Variants in PRDM6 observed in about 807,000 individuals in gnomAD.
PRDM6 encodes the protein PR/SET domain 6.
In PRDM6, 25 loss-of-function variants were observed where a neutral mutation model predicts 60.8. The ratio of observed to expected loss-of-function variants is 0.41; its 90% confidence interval spans 0.30 to 0.57. PRDM6 has a LOEUF of 0.57. Among genes scored for constraint, PRDM6 ranks in the 20% least tolerant of loss-of-function variants. The pLI, the probability that PRDM6 is intolerant of heterozygous loss-of-function variation, is 0.27. For synonymous variants in PRDM6, 407 were observed against 357.4 expected (o/e 1.14, Z -1.57); for missense variants, 839 against 821.3 (o/e 1.02, Z -0.26).
At chr5:123,171,485 C>G (rs915298478) in intron 6 of PRDM6, among the ~76,000 whole-genome samples, 3 of 152,210 alleles carry the variant, frequency 2.0e-5, no homozygotes, top group African/African-American at 4.8e-5. Flanking sequence ...TTTCAGGGTT[C>G]ACCTCCAGTG....
At position 123,155,986 on chromosome 5, in the gene PRDM6, C is replaced by T; in HGVS notation, c.1003C>T (p.Gln335Ter). ...YIRCARHCGE[Q>*]NLTVVQYRSN... ...CCGATGTGCAAGGCACTGCGGAGAA[C>T]AGAATCTAACAGTAGTTCAGTACAG... The change falls in exon 4 of 8, where the codon CAG (glutamine) becomes TAG (stop). Residue 335 changes from glutamine to a stop codon, truncating the protein, a stop_gained. Transcript: ENST00000407847. LOFTEE classifies it high-confidence loss of function. 1 of 1,551,640 alleles carries T rather than the reference C, an allele frequency of 6.4e-7. No individual in the cohort carries two copies. The highest frequency in any genetic ancestry group is 8.7e-7 in the Non-Finnish European group (1 of 1,146,864).
In PRDM6 at chr5:123,190,912, A is replaced by G. The variant is rs1180941839; in HGVS notation, c.*3711A>G. 1 of 152,200 alleles carries G rather than the reference A, an allele frequency of 6.6e-6. No homozygotes were observed. The highest frequency in any genetic ancestry group is 1.9e-4 in the East Asian group (1 of 5,194). 9.4% of individuals were successfully genotyped at this position (152,200 alleles called of 1,614,324 possible). On this transcript the variant is annotated 3_prime_UTR_variant, in exon 8 of 8. Coordinates refer to ENST00000407847, the MANE Select transcript of PRDM6 (RefSeq NM_001136239.4). ...TTTAGACCATTGTCTCAGTGAAGTT[A>G]AAGATTTTGTTCCAACTGGGAAAAT...
intron 3 of PRDM6, among the ~76,000 whole-genome samples, chr5:123,137,956 T>A (rs1351175121): frequency 1.3e-5 from 2 of 152,020 alleles, no homozygotes; most frequent in Non-Finnish European, 2.9e-5. Flanking sequence ...ATGGTATGGG[T>A]GGTATAAAGA....
chr5:123,153,875 G>A (rs1343259681), intron 3 of PRDM6, among the ~76,000 whole-genome samples: 1 of 152,124 alleles, frequency 6.6e-6, no homozygotes, highest in Non-Finnish European at 1.5e-5. Context: ...CACAAAGGAG[G>A]ATTGTTGTGT....
chr5:123,126,377 T>TTTTAA (rs1379352051), intron 3 of PRDM6, among the ~76,000 whole-genome samples: 2 of 151,728 alleles, frequency 1.3e-5, no homozygotes, highest in African/African-American at 2.4e-5. Flanking sequence ...GTCTGGGCTC[T>TTTTAA]GATGCACCAA....
intron 3 of PRDM6, among the ~76,000 whole-genome samples, chr5:123,139,593 AT>A (rs1765052373): frequency 6.6e-6 from 1 of 152,094 alleles, no homozygotes; most frequent in Admixed American, 6.6e-5. Flanking sequence ...TCTTTAGAGA[AT>A]CATTACTGGT....
At chr5:123,106,856 A>G (rs1013159047) in intron 3 of PRDM6, among the ~76,000 whole-genome samples, 1 of 152,236 alleles carries the variant, frequency 6.6e-6, no homozygotes, top group Non-Finnish European at 1.5e-5. Context: ...TATTGCAATC[A>G]TTTACAAAAT....
intron 6 of PRDM6, among the ~76,000 whole-genome samples, chr5:123,173,115 C>T (rs1765931668): frequency 6.6e-6 from 1 of 150,684 alleles, no homozygotes; most frequent in Admixed American, 6.6e-5. Context: ...GGTGTGAACT[C>T]AGGAGGCAGA....
chr5:123,163,374 C>T (rs1053838275), intron 5 of PRDM6, among the ~76,000 whole-genome samples: 2 of 152,278 alleles, frequency 1.3e-5, no homozygotes, highest in Admixed American at 6.5e-5. Flanking sequence ...CATTTCCTAT[C>T]GAGAGTGTGC....
intron 3 of PRDM6, among the ~76,000 whole-genome samples, chr5:123,136,027 A>T (rs999724138): frequency 1.3e-5 from 2 of 152,210 alleles, no homozygotes; most frequent in Non-Finnish European, 2.9e-5. Context: ...ACGGTCTAAG[A>T]TCTTACGGTA....
chr5:123,091,053 C>A (rs1185665043), intron 2 of PRDM6, among the ~76,000 whole-genome samples: 1 of 152,056 alleles, frequency 6.6e-6, no homozygotes, highest in Non-Finnish European at 1.5e-5. Context: ...GCACGCAGAC[C>A]AGGGCTTGTT....
intron 6 of PRDM6, among the ~76,000 whole-genome samples, chr5:123,176,047 C>T (rs1341367063): frequency 1.3e-5 from 2 of 152,174 alleles, no homozygotes. Context: ...GAGCACCTTT[C>T]TGTTTTTTCA....
intron 3 of PRDM6, among the ~76,000 whole-genome samples, chr5:123,100,591 C>T (rs978019607): frequency 3.3e-5 from 5 of 152,192 alleles, no homozygotes; most frequent in African/African-American, 9.7e-5. Context: ...AATCAGAAAT[C>T]GCAAATTCTG....
intron 3 of PRDM6, among the ~76,000 whole-genome samples, chr5:123,116,314 G>C (rs967027320): frequency 1.3e-5 from 2 of 152,106 alleles, no homozygotes; most frequent in African/African-American, 4.8e-5. Context: ...TTTTCAAATT[G>C]CTTGCATTTA....
intron 3 of PRDM6, 78 bp from the exon 4 acceptor site, chr5:123,155,804 CAT>C (rs1481928358): frequency 6.8e-7 from 1 of 1,481,202 alleles, no homozygotes; most frequent in African/African-American, 1.4e-5. Context: ...GCAGCTGACA[CAT>C]AAAGACACCA....
intron 4 of PRDM6, among the ~76,000 whole-genome samples, chr5:123,157,817 C>T (rs561331101): frequency 6.6e-6 from 1 of 152,324 alleles, no homozygotes; most frequent in East Asian, 1.9e-4. Context: ...GATTGATTGA[C>T]CCTTAGCTGA....
chr5:123,102,728 T>A (rs162951), intron 3 of PRDM6, among the ~76,000 whole-genome samples: 17,981 of 152,138 alleles, frequency 0.12, 1,225 homozygotes, highest in East Asian at 0.27. Flanking sequence ...GATGAAGAAA[T>A]GTCTTTTTAT....
intron 3 of PRDM6, among the ~76,000 whole-genome samples, chr5:123,147,792 A>G (rs965213612): frequency 3.3e-5 from 5 of 152,254 alleles, no homozygotes; most frequent in African/African-American, 1.2e-4. Context: ...GATTCCCCAA[A>G]GTCTTCCTCT....
At chr5:123,130,153 TCCCC>T in intron 3 of PRDM6, among the ~76,000 whole-genome samples, 1 of 27,534 alleles carries the variant, frequency 3.6e-5, no homozygotes, top group African/African-American at 2.2e-4. Flanking sequence ...TCCCCTTCCC[TCCCC>T]TCCCCTCCCC....
Sources: gnomAD v4.1 joint callset for allele counts (sites outside exome capture counted in the v4.1 genomes callset) on GRCh38, gnomAD v4.1.1 for gene constraint, MANE v1.5 for transcripts, NCBI Gene and HGNC (gene_info 2026-07-23, HGNC 2026-07-21) for gene names.